The following RASGRF1 variants were observed in gnomAD, a reference collection of about 807,000 sequenced individuals.
RASGRF1 encodes Ras protein specific guanine nucleotide releasing factor 1.
RASGRF1 carries 40 observed loss-of-function variants against 138.7 expected under a neutral mutation model. That is an observed-to-expected ratio of 0.29 (90% confidence interval 0.22 to 0.38). The LOEUF (loss-of-function observed/expected upper bound fraction) is 0.38. Among genes scored for constraint, RASGRF1 ranks in the 10% least tolerant of loss-of-function variants. The pLI, the probability that RASGRF1 is intolerant of heterozygous loss-of-function variation, is 1.00. For synonymous variants in RASGRF1, 614 were observed against 663.2 expected, an observed-to-expected ratio of 0.93 and a Z score of 1.14; for missense variants, 1,108 against 1,650.4, an observed-to-expected ratio of 0.67 and a Z score of 5.69.
chr15:79,085,870 C>T (rs769216199), intron 1 of RASGRF1, among the ~76,000 whole-genome samples: 22 of 152,158 alleles, frequency 1.4e-4, no homozygotes, highest in Non-Finnish European at 2.2e-4. Flanking sequence ...ATGTTTGCTG[C>T]GTGAATAAAC....
chr15:78,985,257 T>C (rs980068014), intron 22 of RASGRF1, 53 bp from the exon 23 acceptor site: 2 of 1,462,634 alleles, frequency 1.4e-6, no homozygotes, highest in African/African-American at 1.4e-5. Context: ...ATTGCAAAGA[T>C]GATAAATGGT....
intron 5 of RASGRF1, among the ~76,000 whole-genome samples, chr15:79,040,871 C>G (rs1367660039): frequency 6.6e-6 from 1 of 152,234 alleles, no homozygotes; most frequent in Non-Finnish European, 1.5e-5. Flanking sequence ...GATGGAATAC[C>G]TGATAACATC....
chr15:79,075,801 C>T (rs551900742), intron 1 of RASGRF1, among the ~76,000 whole-genome samples: 6 of 152,298 alleles, frequency 3.9e-5, no homozygotes, highest in Admixed American at 3.9e-4. Context: ...CTGGGTCTGG[C>T]AGTGAAGCTC....
In RASGRF1 at chr15:79,057,336, A is replaced by C. The variant is rs2057524593; in HGVS notation, c.531+998T>G. Among the ~76,000 whole-genome samples, 3 of 152,222 alleles carry C rather than the reference A, an allele frequency of 2.0e-5. No individual in the cohort carries two copies. The South Asian group carries it at 6.2e-4, about 31-fold the overall frequency. On this transcript the variant is annotated intron_variant, in intron 3 of 26. Coordinates refer to ENST00000558480, the MANE Select transcript of RASGRF1 (RefSeq NM_001145648.3). ...TGGCAGTCAGGGCAGGGGAGGCTAC[A>C]GGTTGAGGTTGGGTGCTGCCTGTCT...
intron 5 of RASGRF1, among the ~76,000 whole-genome samples, chr15:79,042,172 A>G (rs2057305339): frequency 6.6e-6 from 1 of 152,240 alleles, no homozygotes; most frequent in Admixed American, 6.5e-5. Flanking sequence ...CAGCTCTGCA[A>G]CATCCTCAAT....
At chr15:78,968,891 C>T (rs541828040) in intron 26 of RASGRF1, among the ~76,000 whole-genome samples, 13 of 152,260 alleles carry the variant, frequency 8.5e-5, no homozygotes, top group South Asian at 4.2e-4. Context: ...CCCTGATACC[C>T]GAAGTCTTTG....
chr15:79,022,688 T>A (rs2140983916), intron 10 of RASGRF1, among the ~76,000 whole-genome samples: 1 of 152,280 alleles, frequency 6.6e-6, no homozygotes, highest in Admixed American at 6.5e-5. Context: ...ACACATAATT[T>A]GGTTAAAACA....
At position 78,991,713 on chromosome 15, in the gene RASGRF1, C is replaced by T. The variant is rs2304997; in HGVS notation, c.3109G>A (p.Val1037Ile). 95 of 1,614,082 alleles carry T rather than the reference C, an allele frequency of 5.9e-5. No homozygotes were observed. The East Asian group carries it at 1.0e-3, about 17-fold the overall frequency. ...AEQLTLLDHL[V>I]FKKIPYEEFF... ...TACTCATAAGGAATCTTCTTGAAGA[C>T]GAGGTGATCTAGCAGGGTCAGCTGC... Residue 1037 changes from valine (V) to isoleucine (I), a missense_variant, in exon 21 of 27, where the codon GTC becomes ATC. Transcript: ENST00000558480.
At chr15:79,065,513 G>T (rs868032378) in intron 1 of RASGRF1, among the ~76,000 whole-genome samples, 11 of 152,060 alleles carry the variant, frequency 7.2e-5, no homozygotes, top group Middle Eastern at 3.2e-3. Context: ...GGGCATGTTG[G>T]GAGAGTCATA....
Position 79,032,324 on chromosome 15 carries a change from G to C in RASGRF1, c.959-8C>G. The C allele has an allele frequency of 1.2e-6, 2 of 1,613,652 alleles. No homozygotes were observed. The highest frequency in any genetic ancestry group is 1.7e-6 in the Non-Finnish European group (2 of 1,179,732). ...GGATGTCAAATAGGTCAGCTGGAAG[G>C]ACGAGGCAGTCAGCGGGTGGCTAGG... On this transcript the variant is annotated splice_region_variant and splice_polypyrimidine_tract_variant and intron_variant, in intron 6 of 26. Transcript: ENST00000558480. The surrounding 1 kb of genome is among the most constrained non-coding windows in gnomAD (Gnocchi z 4.5).
intron 2 of RASGRF1, among the ~76,000 whole-genome samples, chr15:79,064,201 G>A (rs920200484): frequency 1.3e-5 from 2 of 152,160 alleles, no homozygotes; most frequent in African/African-American, 4.8e-5. Context: ...GAGCAGGGTA[G>A]GAGCTGCAAT....
intron 22 of RASGRF1, among the ~76,000 whole-genome samples, chr15:78,986,505 CCTGA>C (rs1345346960): frequency 5.9e-5 from 9 of 152,028 alleles, no homozygotes; most frequent in East Asian, 1.9e-4. Flanking sequence ...CACCACCATG[CCTGA>C]CTAAGTTTTG....
chr15:79,003,249 A>G (rs992478023), intron 15 of RASGRF1, among the ~76,000 whole-genome samples: 2 of 152,244 alleles, frequency 1.3e-5, no homozygotes, highest in African/African-American at 4.8e-5. Context: ...GAGATCGAAC[A>G]GTTCTTCCGG....
At chr15:79,072,680 C>A (rs548307897) in intron 1 of RASGRF1, among the ~76,000 whole-genome samples, 1 of 152,344 alleles carries the variant, frequency 6.6e-6, no homozygotes, top group African/African-American at 2.4e-5. Flanking sequence ...CGGTTCAGAG[C>A]TCTGGCTGAC....
chr15:79,042,211 C>G (rs999478466), intron 5 of RASGRF1, among the ~76,000 whole-genome samples: 3 of 152,246 alleles, frequency 2.0e-5, no homozygotes, highest in Non-Finnish European at 2.9e-5. Flanking sequence ...AGAGGCTTCT[C>G]TCTTCCCAAG....
At chr15:79,077,074 T>C (rs1002790838) in intron 1 of RASGRF1, among the ~76,000 whole-genome samples, 3 of 152,212 alleles carry the variant, frequency 2.0e-5, no homozygotes, top group African/African-American at 7.2e-5. Context: ...CAGGGATAGC[T>C]GACAGGGCAC....
At chr15:79,035,822 C>T (rs1428229320) in intron 5 of RASGRF1, among the ~76,000 whole-genome samples, 1 of 152,218 alleles carries the variant, frequency 6.6e-6, no homozygotes, top group Admixed American at 6.5e-5. Flanking sequence ...GCCCAGTGCA[C>T]AGGAGACGCT....
At chr15:79,028,050 C>G (rs1336241453) in intron 8 of RASGRF1, among the ~76,000 whole-genome samples, 191 bp from the exon 9 acceptor site, 1 of 152,172 alleles carries the variant, frequency 6.6e-6, no homozygotes, top group Non-Finnish European at 1.5e-5. Flanking sequence ...ACTTCATAGG[C>G]ACGACCTCAT....
Position 79,050,578 on chromosome 15 carries a change from T to C in RASGRF1, c.532-990A>G, listed in dbSNP as rs1394991843. Among the ~76,000 whole-genome samples the C allele has an allele frequency of 6.6e-6, 1 of 152,220 alleles. No homozygotes were observed. The highest frequency in any genetic ancestry group is 6.5e-5 in the Admixed American group (1 of 15,288). ...AATCATAACCTGGAAACTGCTGGCCTAGAAAAGTGGAGCAGCTCTTCAAAT... is the reference window on the plus strand; with the variant it reads ...AATCATAACCTGGAAACTGCTGGCCCAGAAAAGTGGAGCAGCTCTTCAAAT... On this transcript the variant is annotated intron_variant, in intron 3 of 26. Coordinates refer to ENST00000558480, the MANE Select transcript of RASGRF1 (RefSeq NM_001145648.3). The surrounding 1 kb of genome is among the most constrained non-coding windows in gnomAD (Gnocchi z 4.1).
Sources: allele counts gnomAD v4.1 joint callset (sites outside exome capture counted in the v4.1 genomes callset), GRCh38; gene constraint gnomAD v4.1.1; non-coding constraint Gnocchi (gnomAD v3.1); transcripts MANE v1.5; gene names NCBI Gene and HGNC (gene_info 2026-07-23, HGNC 2026-07-21).